TENM3: variants seen among roughly 807,000 people sequenced by gnomAD.
TENM3 encodes teneurin transmembrane protein 3, also known as teneurin-3.
Under a neutral mutation model 255.1 loss-of-function variants are expected in TENM3, and 63 were observed. That is an observed-to-expected ratio of 0.25 (90% CI 0.20 to 0.30). The LOEUF is 0.30. Among genes scored for constraint, TENM3 ranks in the 10% least tolerant of loss-of-function variants. The pLI is 1.00. For synonymous variants in TENM3, 1,306 were observed against 1,322.3 expected, an observed-to-expected ratio of 0.99 and a Z score of 0.27; for missense variants, 2,929 against 3,461.1, an observed-to-expected ratio of 0.85 and a Z score of 3.86.
intron 5 of TENM3, among the ~76,000 whole-genome samples, chr4:182,650,925 A>ATATATATATATATAT (rs1561056446): frequency 3.0e-3 from 57 of 18,756 alleles, no homozygotes; most frequent in South Asian, 7.4e-3. Context: ...TATATATATA[A>ATATATATATATATAT]AACAAAGCTG....
chr4:182,263,339 A>G (rs1484127064), intron 1 of TENM3, among the ~76,000 whole-genome samples: 8 of 151,988 alleles, frequency 5.3e-5, no homozygotes, highest in African/African-American at 1.9e-4. Context: ...ATGTCCCTTG[A>G]TCCTGCCCTC....
At chr4:181,466,555 A>G in the TENM3 span, among the ~76,000 whole-genome samples, 1 of 152,208 alleles carries the variant, frequency 6.6e-6, no homozygotes, top group Non-Finnish European at 1.5e-5. Flanking sequence ...TTATAATATA[A>G]GAAACTCCCT....
At chr4:182,593,934 A>G (rs559552171) in intron 3 of TENM3, among the ~76,000 whole-genome samples, 1 of 152,036 alleles carries the variant, frequency 6.6e-6, no homozygotes, top group Non-Finnish European at 1.5e-5. Flanking sequence ...TGAGTTGCAC[A>G]TGGCAGCCTG....
chr4:181,845,315 CAGTG>C, the TENM3 span, among the ~76,000 whole-genome samples: 1 of 152,078 alleles, frequency 6.6e-6, no homozygotes, highest in Non-Finnish European at 1.5e-5. Context: ...TAAGTGATGA[CAGTG>C]AGATGATTTT....
intron 3 of TENM3, among the ~76,000 whole-genome samples, chr4:182,490,473 C>T (rs1735184107): frequency 2.6e-5 from 4 of 152,056 alleles, no homozygotes; most frequent in Admixed American, 2.6e-4. Context: ...CCTCAGTGCT[C>T]TCCTCTGCTG....
At chr4:182,708,006 T>A (rs1758426980) in intron 12 of TENM3, 1 of 152,006 alleles carries the variant, frequency 6.6e-6, no homozygotes, top group African/African-American at 2.4e-5. Context: ...TTTTTCTTTT[T>A]TTTTCTAAAT....
the TENM3 span, among the ~76,000 whole-genome samples, chr4:182,039,594 T>C: frequency 6.6e-6 from 1 of 152,062 alleles, no homozygotes. Flanking sequence ...CAAACATGAA[T>C]GATACTATAA....
At chr4:181,624,636 G>GT in the TENM3 span, among the ~76,000 whole-genome samples, 39 of 152,340 alleles carry the variant, frequency 2.6e-4, no homozygotes, top group Admixed American at 2.5e-3. Context: ...TAAAGCCACG[G>GT]TAACATTGGC....
chr4:182,783,427 T>A (rs1292807188), intron 24 of TENM3, among the ~76,000 whole-genome samples: 1 of 152,256 alleles, frequency 6.6e-6, no homozygotes, highest in Non-Finnish European at 1.5e-5. Context: ...AGAGATCCGC[T>A]ATTAGTCTGA....
chr4:181,706,230 C>T, the TENM3 span, among the ~76,000 whole-genome samples: 1 of 152,044 alleles, frequency 6.6e-6, no homozygotes, highest in Non-Finnish European at 1.5e-5. Context: ...ATAAGGGCAC[C>T]AGTCATATTG....
At chr4:182,514,163 C>T (rs777022434) in intron 3 of TENM3, among the ~76,000 whole-genome samples, 7 of 152,194 alleles carry the variant, frequency 4.6e-5, no homozygotes, top group Non-Finnish European at 8.8e-5. Flanking sequence ...TACTACACCT[C>T]AGAGCTTCCA....
the TENM3 span, among the ~76,000 whole-genome samples, chr4:181,676,892 G>T: frequency 6.6e-6 from 1 of 151,818 alleles, no homozygotes; most frequent in Non-Finnish European, 1.5e-5. Flanking sequence ...CCTCGTTAGA[G>T]ATCTTCATTC....
At chr4:182,375,896 T>C (rs1767150537) in intron 3 of TENM3, among the ~76,000 whole-genome samples, 1 of 152,160 alleles carries the variant, frequency 6.6e-6, no homozygotes, top group Non-Finnish European at 1.5e-5. Context: ...AAAGGGATAA[T>C]GAATGCACTG....
intron 1 of TENM3, among the ~76,000 whole-genome samples, chr4:182,164,280 G>C (rs1467291982): frequency 6.6e-6 from 1 of 152,146 alleles, no homozygotes; most frequent in Non-Finnish European, 1.5e-5. Context: ...CCCACATTCA[G>C]TACAGGAAAG....
rs1297958648 is a variant in TENM3, at chr4:182,789,426, A to T, written c.5601+37A>T. ...AACTAAGCTCAACAATAGGGAAAGGATAATTCACATTTTTCAGCAATCATC... is the reference window on the plus strand; with the variant it reads ...AACTAAGCTCAACAATAGGGAAAGGTTAATTCACATTTTTCAGCAATCATC... On this transcript the variant is annotated intron_variant, in intron 25 of 27. Coordinates refer to ENST00000511685, the MANE Select transcript of TENM3 (RefSeq NM_001080477.4). The surrounding 1 kb of genome is among the most constrained non-coding windows in gnomAD (Gnocchi z 4.4). The T allele has an allele frequency of 3.2e-6, 5 of 1,569,390 alleles. No individual in the cohort carries two copies. Among genetic ancestry groups the T allele is most frequent in the South Asian group, 1.2e-5 (1 of 85,358 alleles).
the TENM3 span, among the ~76,000 whole-genome samples, chr4:181,554,394 C>T: frequency 3.9e-5 from 6 of 152,182 alleles, no homozygotes; most frequent in African/African-American, 1.4e-4. Context: ...AGTTAGGCTT[C>T]GTCAATCAAT....
the TENM3 span, among the ~76,000 whole-genome samples, chr4:181,990,103 G>A: frequency 3.2e-4 from 48 of 152,020 alleles, no homozygotes; most frequent in African/African-American, 1.0e-3. Context: ...AACCAGCTAC[G>A]AAAAGGAAGG....
chr4:182,127,399 A>C, the TENM3 span, among the ~76,000 whole-genome samples: 1 of 152,198 alleles, frequency 6.6e-6, no homozygotes, highest in Non-Finnish European at 1.5e-5. Context: ...ATACACATTA[A>C]TATTTATAAA....
intron 1 of TENM3, among the ~76,000 whole-genome samples, chr4:182,179,623 C>T (rs1752721596): frequency 6.6e-6 from 1 of 152,126 alleles, no homozygotes; most frequent in Non-Finnish European, 1.5e-5. Context: ...ACAAAATGTA[C>T]TGAAAACCTC....
Sources: gnomAD v4.1 joint callset for allele counts (sites outside exome capture counted in the v4.1 genomes callset) on GRCh38, gnomAD v4.1.1 for gene constraint, Gnocchi (gnomAD v3.1) non-coding constraint, MANE v1.5 for transcripts, NCBI Gene and HGNC (gene_info 2026-07-23, HGNC 2026-07-21) for gene names.